PCDHGA6: variants seen among roughly 807,000 people sequenced by gnomAD.
The protein encoded by PCDHGA6 is protocadherin gamma subfamily A, 6.
In PCDHGA6, 41 loss-of-function variants were observed where a neutral mutation model predicts 60.6. The observed-to-expected ratio is 0.68, with a 90% CI of 0.53 to 0.88. The LOEUF (loss-of-function observed/expected upper bound fraction) is 0.88. PCDHGA6 is among the 40% of genes least tolerant of loss of function. The probability of loss-of-function intolerance (pLI) is 0.00; values close to 1 mark genes in which losing one functional copy is unlikely to be tolerated. For missense variants in PCDHGA6, 1,312 were observed against 1,203.0 expected (o/e 1.09, Z -1.34); for synonymous variants, 594 against 524.4 (o/e 1.13, Z -1.81).
rs564367150 is a variant in PCDHGA6 at position 141,464,990 on chromosome 5, C to T, written c.2425-29817C>T. Among the ~76,000 whole-genome samples, 147 of 152,192 alleles carry T rather than the reference C, an allele frequency of 9.7e-4. 1 individual carries two copies. Among genetic ancestry groups the T allele is most frequent in the African/African-American group, 3.5e-3 (144 of 41,536 alleles). On this transcript the variant is annotated intron_variant, in intron 1 of 3. Transcript: ENST00000517434. ...CTACTGGCTTCAAGTGATCCTCCCA[C>T]CTCAGCCTCCCAAAGTGCTAAGATT...
At chr5:141,395,251 T>G (rs2093205315) in intron 1 of PCDHGA6, 2 of 1,557,062 alleles carry the variant, frequency 1.3e-6, no homozygotes, top group Non-Finnish European at 1.7e-6. Context: ...AGTTTAGTTC[T>G]TTGCTTGCTT....
At chr5:141,472,066 T>C (rs1440684719) in intron 1 of PCDHGA6, among the ~76,000 whole-genome samples, 1 of 152,140 alleles carries the variant, frequency 6.6e-6, no homozygotes, top group African/African-American at 2.4e-5. Flanking sequence ...GACATGTCTG[T>C]GGTTATATCA....
At chr5:141,499,343 G>C (rs1184175548) in intron 2 of PCDHGA6, among the ~76,000 whole-genome samples, 1 of 152,146 alleles carries the variant, frequency 6.6e-6, no homozygotes, top group Non-Finnish European at 1.5e-5. Context: ...AGTTTGGGCA[G>C]TCATTCAACA....
At chr5:141,417,628 A>T (rs2096139720) in intron 1 of PCDHGA6, 1 of 692,650 alleles carries the variant, frequency 1.4e-6, no homozygotes, top group Non-Finnish European at 2.3e-6. Context: ...GCAAGCGCTG[A>T]CGCCGGGGAT....
chr5:141,439,673 C>G (rs1468476569), intron 1 of PCDHGA6, among the ~76,000 whole-genome samples: 1 of 152,174 alleles, frequency 6.6e-6, no homozygotes, highest in Non-Finnish European at 1.5e-5. Flanking sequence ...AATGCAAATC[C>G]AAGAGCAGAC....
chr5:141,392,804 CA>C (rs1345839746), intron 1 of PCDHGA6: 1 of 1,573,894 alleles, frequency 6.4e-7, no homozygotes, highest in African/African-American at 1.4e-5. Flanking sequence ...GATTCTGCAG[CA>C]AAACAACAAT....
At chr5:141,420,190 A>T in intron 1 of PCDHGA6, 3 of 1,613,922 alleles carry the variant, frequency 1.9e-6, no homozygotes, top group Non-Finnish European at 2.5e-6. Flanking sequence ...GTCCAGCCAC[A>T]CAAGATAACC....
intron 1 of PCDHGA6, chr5:141,408,865 A>G (rs765751172): frequency 6.2e-7 from 1 of 1,613,684 alleles, no homozygotes. Context: ...GGGACCCACC[A>G]AGAAGTGCCA....
chr5:141,383,179 G>A (rs1387934089), intron 1 of PCDHGA6: 2 of 1,614,006 alleles, frequency 1.2e-6, no homozygotes, highest in Admixed American at 1.7e-5. Context: ...AGACCGGGAA[G>A]AGATCTGCGC....
chr5:141,389,886 G>A, intron 1 of PCDHGA6: 1 of 1,614,078 alleles, frequency 6.2e-7, no homozygotes, highest in Non-Finnish European at 8.5e-7. Context: ...CAGCTTGCAG[G>A]AGGTGCTGCC....
chr5:141,418,890 G>C (rs1449142412), intron 1 of PCDHGA6: 1 of 1,613,934 alleles, frequency 6.2e-7, no homozygotes, highest in South Asian at 1.1e-5. Context: ...AACGACAACA[G>C]CCCAGAAATA....
intron 1 of PCDHGA6, chr5:141,403,123 G>A: frequency 6.2e-7 from 1 of 1,614,066 alleles, no homozygotes; most frequent in Non-Finnish European, 8.5e-7. Context: ...TGGAGCCCCG[G>A]GAGCTGGCGG....
At chr5:141,405,309 A>T (rs1019536231) in intron 1 of PCDHGA6, 2 of 1,614,068 alleles carry the variant, frequency 1.2e-6, no homozygotes, top group Non-Finnish European at 1.7e-6. Context: ...CAGAGCTGTG[A>T]GAAAAATGAG....
At chr5:141,460,047 C>T (rs2098981053) in intron 1 of PCDHGA6, among the ~76,000 whole-genome samples, 1 of 152,102 alleles carries the variant, frequency 6.6e-6, no homozygotes. Context: ...CACTGCACTC[C>T]AGCCTGGGCA....
chr5:141,428,430 GA>G, intron 1 of PCDHGA6: 1 of 421,748 alleles, frequency 2.4e-6, no homozygotes. Flanking sequence ...TCTGTTCTAA[GA>G]CTAGACCAGG....
At chr5:141,442,689 G>A (rs966261716) in intron 1 of PCDHGA6, among the ~76,000 whole-genome samples, 1 of 152,238 alleles carries the variant, frequency 6.6e-6, no homozygotes, top group South Asian at 2.1e-4. Context: ...CAGTAGTCAG[G>A]CAGACAAGAG....
chr5:141,404,886 C>T (rs1248535405), intron 1 of PCDHGA6: 2 of 1,613,906 alleles, frequency 1.2e-6, no homozygotes, highest in South Asian at 1.1e-5. Context: ...CTTGTGGTGG[C>T]TGTACAGGAC....
chr5:141,389,339 C>G, intron 1 of PCDHGA6: 2 of 1,614,010 alleles, frequency 1.2e-6, no homozygotes, highest in Middle Eastern at 1.6e-4. Flanking sequence ...ACGGCCAAGT[C>G]TCTTACTGCA....
chr5:141,497,614 A>G (rs1377740795), intron 2 of PCDHGA6, among the ~76,000 whole-genome samples: 1 of 146,530 alleles, frequency 6.8e-6, no homozygotes, highest in Admixed American at 7.0e-5. Context: ...ATCTTGGCTC[A>G]CTGCAACCTC....
Sources: allele counts gnomAD v4.1 joint callset (sites outside exome capture counted in the v4.1 genomes callset), GRCh38; gene constraint gnomAD v4.1.1; transcripts MANE v1.5; gene names NCBI Gene and HGNC (gene_info 2026-07-23, HGNC 2026-07-21).